The following CASC3 variants were observed in gnomAD, a reference collection of about 807,000 sequenced individuals.
The protein encoded by CASC3 is protein CASC3.
A neutral mutation model predicts 80.5 loss-of-function variants in CASC3; 30 were observed. The ratio of observed to expected loss-of-function variants is 0.37; its 90% CI spans 0.28 to 0.51. The LOEUF is 0.51. CASC3 is among the 20% of genes least tolerant of loss of function. The pLI is 0.94. For missense variants in CASC3, 824 were observed against 922.2 expected (o/e 0.89, Z 1.38); for synonymous variants, 312 against 333.6 (o/e 0.94, Z 0.70).
chr17:40,141,496 A>C (rs1988716429), intron 2 of CASC3, 74 bp from the exon 3 acceptor site: 2 of 1,237,416 alleles, frequency 1.6e-6, no homozygotes, highest in Non-Finnish European at 2.4e-6. Context: ...TGAGACTCTT[A>C]GTCTGACCTG....
intron 2 of CASC3, 67 bp downstream of exon 2, chr17:40,141,301 C>A: frequency 7.1e-7 from 1 of 1,414,408 alleles, no homozygotes; most frequent in Non-Finnish European, 1.0e-6. Flanking sequence ...TCATCTATTT[C>A]CAACATCGAC....
intron 2 of CASC3, 158 bp downstream of exon 2, chr17:40,141,392 A>G: frequency 1.2e-6 from 1 of 845,244 alleles, no homozygotes. Context: ...CTTTAGCAGT[A>G]TAGTCTTCAG....
intron 3 of CASC3, among the ~76,000 whole-genome samples, chr17:40,144,519 A>C (rs1031887648): frequency 4.6e-5 from 7 of 150,628 alleles, no homozygotes; most frequent in African/African-American, 1.5e-4. Flanking sequence ...TAATTTTTGT[A>C]TTTGTAGTAG....
chr17:40,170,102 G>A (rs1194880451), intron 13 of CASC3, among the ~76,000 whole-genome samples: 1 of 150,838 alleles, frequency 6.6e-6, no homozygotes, highest in Non-Finnish European at 1.5e-5. Flanking sequence ...ATCTCAGGAG[G>A]CTTAAAGGAG....
intron 3 of CASC3, among the ~76,000 whole-genome samples, chr17:40,144,586 C>T (rs1448902641): frequency 6.6e-6 from 1 of 151,108 alleles, no homozygotes; most frequent in Admixed American, 6.6e-5. Flanking sequence ...CTCAGGTGAT[C>T]CGTCCGCCTC....
In CASC3 at chr17:40,171,832, C is replaced by G; in HGVS notation, c.*1427C>G. The G allele has an allele frequency of 2.5e-6, 3 of 1,185,364 alleles. No individual in the cohort carries two copies. Among genetic ancestry groups the G allele is most frequent in the Non-Finnish European group, 3.2e-6 (3 of 940,164 alleles). The allele number at this position is 1,185,364 out of a possible 1,614,324, so 73.4% of individuals were successfully genotyped here. A position where few individuals can be genotyped will look rare whatever the true frequency, so the allele number is the denominator to read the frequency against. On this transcript the variant is annotated 3_prime_UTR_variant, in exon 14 of 14. Transcript: ENST00000264645. ...TTCCATCTAGCAGCTGGCCTAATCACTCTGAGTCACAGGTGTGGGATGGAG... is the reference window on the plus strand; with the variant it reads ...TTCCATCTAGCAGCTGGCCTAATCAGTCTGAGTCACAGGTGTGGGATGGAG...
intron 8 of CASC3, 58 bp downstream of exon 8, chr17:40,166,919 A>C (rs1567684664): frequency 1.2e-5 from 15 of 1,242,028 alleles, no homozygotes; most frequent in Non-Finnish European, 1.7e-5. Flanking sequence ...CAGCTTGTTC[A>C]TTGTTTAAAC....
chr17:40,164,273 T>A, intron 7 of CASC3, 107 bp downstream of exon 7: 1 of 872,422 alleles, frequency 1.1e-6, no homozygotes, highest in Non-Finnish European at 1.7e-6. Flanking sequence ...TGTCTACTTC[T>A]TTTTTTTTGA....
chr17:40,140,848 T>C (rs943041997), intron 1 of CASC3, 69 bp downstream of exon 1: 1 of 1,119,670 alleles, frequency 8.9e-7, no homozygotes. Context: ...GTGTAGGTGA[T>C]GCTAGGTAGT....
chr17:40,142,171 T>C (rs1190681949), intron 3 of CASC3, among the ~76,000 whole-genome samples: 1 of 152,164 alleles, frequency 6.6e-6, no homozygotes, highest in Non-Finnish European at 1.5e-5. Flanking sequence ...ATAGGGGGAA[T>C]TGGATGGTGG....
chr17:40,142,643 C>G (rs558978805), intron 3 of CASC3, among the ~76,000 whole-genome samples: 1 of 152,204 alleles, frequency 6.6e-6, no homozygotes, highest in Admixed American at 6.5e-5. Flanking sequence ...AATCCCAGCA[C>G]TTTGTGAGGC....
At chr17:40,162,637 C>T in intron 5 of CASC3, 88 bp from the exon 6 acceptor site, 1 of 1,244,722 alleles carries the variant, frequency 8.0e-7, no homozygotes, top group East Asian at 2.4e-5. Flanking sequence ...TCCTATTGTC[C>T]CCCTGCCTCC....
chr17:40,161,869 CAAA>C lies in CASC3; in HGVS notation c.416_418del (p.Lys139del), dbSNP rs1989309867. On this transcript the variant is annotated inframe_deletion, in exon 4 of 14. Transcript: ENST00000264645. ...AGAAGGGAGAAGAAAAGCCTGACAC[CAAA>C]AGCACTGTGACTGGAGAGAGGCAAA... is the stretch of plus-strand genomic sequence containing the variant. 9 of 1,614,034 alleles carry C rather than the reference CAAA, an allele frequency of 5.6e-6. No individual in the cohort carries two copies. Among genetic ancestry groups the C allele is most frequent in the Non-Finnish European group, 7.6e-6 (9 of 1,180,016 alleles).
At chr17:40,162,978 T>C (rs575603096) in intron 6 of CASC3, 77 bp downstream of exon 6, 2 of 1,326,638 alleles carry the variant, frequency 1.5e-6, no homozygotes, top group African/African-American at 1.5e-5. Context: ...CCCGGCACTT[T>C]GGGAGGCTGA....
Position 40,171,938 on chromosome 17 carries a change from C to T in CASC3, c.*1533C>T, listed in dbSNP as rs1449713716. ...TTCTAGGGGTAGCTGGTGGTTGTGCCTTTTGTAGGCTGTTCCCTTTGCCTT... is the reference window on the plus strand; with the variant it reads ...TTCTAGGGGTAGCTGGTGGTTGTGCTTTTTGTAGGCTGTTCCCTTTGCCTT... On this transcript the variant is annotated 3_prime_UTR_variant, in exon 14 of 14. Transcript: ENST00000264645. The T allele has an allele frequency of 7.9e-7, 1 of 1,272,290 alleles. No homozygotes were observed. 78.8% of individuals were successfully genotyped at this position (1,272,290 alleles called of 1,614,324 possible).
rs771851326 is a variant in CASC3, at chr17:40,169,563, T to C, written c.2089-35T>C. ...TCTCTGGAAAACAGTCTTTTTGTTATGACCTGATAACAAATTCCAACTTTG... is the reference window on the plus strand; with the variant it reads ...TCTCTGGAAAACAGTCTTTTTGTTACGACCTGATAACAAATTCCAACTTTG... On this transcript the variant is annotated intron_variant, in intron 12 of 13. Coordinates refer to ENST00000264645, the MANE Select transcript of CASC3 (RefSeq NM_007359.5). 3.8e-6 allele frequency: 6 copies of C among 1,588,796 alleles called. No homozygotes were observed. The Admixed American group carries it at 5.5e-5, about 15-fold the overall frequency.
chr17:40,152,370 G>T (rs1449095285), intron 3 of CASC3, among the ~76,000 whole-genome samples: 4 of 151,776 alleles, frequency 2.6e-5, no homozygotes, highest in Non-Finnish European at 4.4e-5. Flanking sequence ...TGCCCAGGCT[G>T]GAGTGCAGTG....
intron 7 of CASC3, among the ~76,000 whole-genome samples, chr17:40,166,563 C>T (rs1354683464): frequency 6.6e-6 from 1 of 152,112 alleles, no homozygotes; most frequent in Non-Finnish European, 1.5e-5. Context: ...TCACTGAAGT[C>T]ATTTTATTTT....
chr17:40,157,358 TAAATAAATA>T (rs1567680527), intron 3 of CASC3, among the ~76,000 whole-genome samples: 36 of 147,812 alleles, frequency 2.4e-4, no homozygotes, highest in African/African-American at 9.0e-4. Flanking sequence ...AATAAATAAA[TAAATAAATA>T]AATTAATTAA....
Sources: allele counts gnomAD v4.1 joint callset (sites outside exome capture counted in the v4.1 genomes callset), GRCh38; gene constraint gnomAD v4.1.1; transcripts MANE v1.5; gene names NCBI Gene and HGNC (gene_info 2026-07-23, HGNC 2026-07-21).